NLE1: variants seen among roughly 807,000 people sequenced by gnomAD.
NLE1 encodes the protein notchless protein homolog 1.
Under a neutral mutation model 62.8 loss-of-function variants are expected in NLE1, and 37 were observed. The observed-to-expected ratio is 0.59, with a 90% CI of 0.45 to 0.78. The LOEUF is 0.78. Ranked by LOEUF, NLE1 falls within the 30% of genes least tolerant of loss-of-function variation. The pLI, the probability that NLE1 is intolerant of heterozygous loss-of-function variation, is 0.00. For missense variants in NLE1, 555 were observed against 637.9 expected, an observed-to-expected ratio of 0.87 and a Z score of 1.40; for synonymous variants, 243 against 253.0, an observed-to-expected ratio of 0.96 and a Z score of 0.37.
In NLE1 at chr17:35,137,528, G is replaced by T; in HGVS notation, c.635+15C>A. On this transcript the variant is annotated intron_variant, in intron 6 of 12. Transcript: ENST00000442241. ...CCCCTGGCTCATTTGTCCCAGCTCCGTCAGTGTCACTTACGCATGGAGGGG... is the reference window on the plus strand; with the variant it reads ...CCCCTGGCTCATTTGTCCCAGCTCCTTCAGTGTCACTTACGCATGGAGGGG... 6.3e-7 allele frequency: 1 copy of T among 1,598,072 alleles called. No homozygotes were observed. Among genetic ancestry groups the T allele is most frequent in the Non-Finnish European group, 8.5e-7 (1 of 1,173,432 alleles).
intron 10 of NLE1, among the ~76,000 whole-genome samples, chr17:35,134,245 G>A (rs953075334): frequency 1.3e-5 from 2 of 152,190 alleles, no homozygotes; most frequent in African/African-American, 2.4e-5. Context: ...GCTCCCAGGT[G>A]ATGCTGATGC....
chr17:35,137,862 G>C lies in NLE1; in HGVS notation c.489C>G (p.Ser163=), dbSNP rs1482498263. Residue 163 remains serine (S), a synonymous_variant, in exon 5 of 13, where the codon TCC becomes TCG. Transcript: ENST00000442241. ...KGHRHWVLSI[S]WSPDGRKLAS... ...CCAGCTTCCTGCCATCTGGAGACCA[G>C]GATATACTAAGGACCCAGTGTCTGT... is the stretch of plus-strand genomic sequence containing the variant. 1 of 1,613,400 alleles carries C rather than the reference G, an allele frequency of 6.2e-7. No individual in the cohort carries two copies. Among genetic ancestry groups the C allele is most frequent in the Non-Finnish European group, 8.5e-7 (1 of 1,179,612 alleles).
chr17:35,132,911 T>C (rs532526211), intron 12 of NLE1, among the ~76,000 whole-genome samples: 2 of 152,070 alleles, frequency 1.3e-5, no homozygotes, highest in East Asian at 1.9e-4. Flanking sequence ...GTTGTTCCGG[T>C]GGCCCTCCCA....
Position 35,136,436 on chromosome 17 carries a change from G to A in NLE1, c.890C>T (p.Thr297Ile). Residue 297 changes from threonine (T) to isoleucine (I), a missense_variant, in exon 8 of 13, where the codon ACT (threonine) becomes ATT (isoleucine). Thr to Ile is a moderately conservative substitution (Grantham distance 89). Coordinates refer to ENST00000442241, the MANE Select transcript of NLE1 (RefSeq NM_018096.5). The stretch of plus-strand genomic sequence containing the variant: ...GGCCCCAGTGCGCAGGGCATAGTCA[G>A]TGCTGAGGGCCATGGTGTTCACCCA... ...GHWVNTMALS[T>I]DYALRTGAFE... The A allele has an allele frequency of 6.2e-7, 1 of 1,614,176 alleles. No individual in the cohort carries two copies. Among genetic ancestry groups the A allele is most frequent in the Non-Finnish European group, 8.5e-7 (1 of 1,180,010 alleles).
chr17:35,141,269 C>T (rs67146623), intron 2 of NLE1, among the ~76,000 whole-genome samples: 9,497 of 152,156 alleles, frequency 0.062, 370 homozygotes, highest in African/African-American at 0.1. Context: ...AAGCAAAGGC[C>T]GGGTGCGGTG....
chr17:35,139,035 C>G (rs1251094841), intron 4 of NLE1, among the ~76,000 whole-genome samples, 200 bp downstream of exon 4: 2 of 152,028 alleles, frequency 1.3e-5, no homozygotes, highest in African/African-American at 4.8e-5. Flanking sequence ...AAAAACGAGC[C>G]AGGTGTGATG....
At chr17:35,135,863 C>T (rs182623955) in intron 9 of NLE1, among the ~76,000 whole-genome samples, 2 of 152,194 alleles carry the variant, frequency 1.3e-5, no homozygotes, top group Admixed American at 6.5e-5. Flanking sequence ...CGGGAGACTC[C>T]GCGATCTACC....
chr17:35,132,536 G>T, intron 12 of NLE1, 87 bp from the exon 13 acceptor site: 1 of 1,163,182 alleles, frequency 8.6e-7, no homozygotes, highest in Non-Finnish European at 1.1e-6. Context: ...CAGACGGACG[G>T]CCTGTGGTCC....
At chr17:35,141,234 G>A (rs2091941621) in intron 2 of NLE1, among the ~76,000 whole-genome samples, 1 of 152,140 alleles carries the variant, frequency 6.6e-6, no homozygotes, top group African/African-American at 2.4e-5. Context: ...CAGCTCTTCA[G>A]TAAACACACT....
Position 35,140,000 on chromosome 17 carries a change from A to C in NLE1, c.229T>G (p.Leu77Val). 6.2e-7 allele frequency: 1 copy of C among 1,614,080 alleles called. No homozygotes were observed. ...AEIVSSLGKTLESQAVETEKV... is the reference protein window; with the variant it reads ...AEIVSSLGKTVESQAVETEKV... Reference sequence around the variant, plus strand: ...TCTGTCTCCACTGCCTGGGACTCCAACGTCTTCCCCAGTGAGGAGACGATC... The same window carrying C: ...TCTGTCTCCACTGCCTGGGACTCCACCGTCTTCCCCAGTGAGGAGACGATC... Residue 77 changes from leucine (L) to valine (V), a missense_variant, in exon 3 of 13, where the codon TTG (leucine) becomes GTG (valine). Leu to Val is a conservative substitution (Grantham distance 32). Coordinates refer to ENST00000442241, the MANE Select transcript of NLE1 (RefSeq NM_018096.5).
intron 2 of NLE1, 143 bp from the exon 3 acceptor site, chr17:35,140,209 T>G (rs1204658244): frequency 2.5e-6 from 2 of 813,608 alleles, no homozygotes; most frequent in African/African-American, 3.5e-5. Context: ...CATTGCCCAT[T>G]GAGCAAGACC....
chr17:35,130,180 G>A lies in NLE1; in HGVS notation c.*2257C>T, dbSNP rs775059294. ...GCTAGGTTGGATAAGGCTGTTTAAGGTCTGAGTCAGCAGACAGAAAAAAAA... is the reference window on the plus strand; with the variant it reads ...GCTAGGTTGGATAAGGCTGTTTAAGATCTGAGTCAGCAGACAGAAAAAAAA... On this transcript the variant is annotated 3_prime_UTR_variant, in exon 13 of 13. Coordinates refer to ENST00000442241, the MANE Select transcript of NLE1 (RefSeq NM_018096.5). 4.0e-6 allele frequency: 6 copies of A among 1,507,422 alleles called. No homozygotes were observed. Among genetic ancestry groups the A allele is most frequent in the Non-Finnish European group, 5.3e-6 (6 of 1,131,234 alleles). The allele number at this position is 1,507,422 out of a possible 1,614,324, so 93.4% of individuals were successfully genotyped here.
At position 35,131,757 on chromosome 17, in the gene NLE1, C is replaced by G. The variant is rs2091877384; in HGVS notation, c.*680G>C. The G allele has an allele frequency of 6.6e-6, 1 of 152,366 alleles. No homozygotes were observed. The highest frequency in any genetic ancestry group is 1.5e-5 in the Non-Finnish European group (1 of 68,134). 9.4% of individuals were successfully genotyped at this position (152,366 alleles called of 1,614,324 possible). A position where few individuals can be genotyped will look rare whatever the true frequency, so the allele number is the denominator to read the frequency against. ...AACTCTCTTGATGATGAAAACCTTTCTGTGTGCTGTCCAATACTGGAGGCC... is the reference window on the plus strand; with the variant it reads ...AACTCTCTTGATGATGAAAACCTTTGTGTGTGCTGTCCAATACTGGAGGCC... On this transcript the variant is annotated 3_prime_UTR_variant, in exon 13 of 13. Transcript: ENST00000442241.
At chr17:35,137,714 T>TTGCCCCCCCC in intron 5 of NLE1, 74 bp from the exon 6 acceptor site, 1 of 1,212,394 alleles carries the variant, frequency 8.2e-7, no homozygotes, top group Non-Finnish European at 1.2e-6. Context: ...GCCTACCACT[T>TTGCCCCCCCC]CCCACCCAAC....
chr17:35,136,467 C>G lies in NLE1; in HGVS notation c.859G>C (p.Gly287Arg). Residue 287 changes from glycine to arginine, a missense_variant, in exon 8 of 13, where the codon GGC (glycine) becomes CGC (arginine). By Grantham distance (125) the Gly-to-Arg change is moderately radical. Transcript: ENST00000442241. ...GVLCRTLQGH[G>R]HWVNTMALST... ...AGGGCCATGGTGTTCACCCAGTGGCCGTGGCCTTGCAGAGTCCGGCACAGC... is the reference window on the plus strand; with the variant it reads ...AGGGCCATGGTGTTCACCCAGTGGCGGTGGCCTTGCAGAGTCCGGCACAGC... 1 of 1,614,012 alleles carries G rather than the reference C, an allele frequency of 6.2e-7. No homozygotes were observed. The highest frequency in any genetic ancestry group is 1.1e-5 in the South Asian group (1 of 91,076).
At chr17:35,136,263 G>T in intron 8 of NLE1, 48 bp from the exon 9 acceptor site, 2 of 1,612,892 alleles carry the variant, frequency 1.2e-6, no homozygotes, top group Non-Finnish European at 1.7e-6. Context: ...GAAGAAGGCC[G>T]ATAAGAAAAT....
chr17:35,129,961 G>A lies in NLE1; in HGVS notation c.*2476C>T, dbSNP rs976061854. The A allele has an allele frequency of 1.3e-5, 18 of 1,371,588 alleles. No homozygotes were observed. The East Asian group carries it at 4.7e-4, about 36-fold the overall frequency. 85.0% of individuals were successfully genotyped at this position (1,371,588 alleles called of 1,614,324 possible). On this transcript the variant is annotated 3_prime_UTR_variant, in exon 13 of 13. Coordinates refer to ENST00000442241, the MANE Select transcript of NLE1 (RefSeq NM_018096.5). ...GTGCCCATGATTGTGAGTAGGCTGG[G>A]AAGTCAAGGGCATTGAAAGAAATAG... is the stretch of plus-strand genomic sequence containing the variant.
chr17:35,135,210 T>TTCACTCCTTACAGAGAAGCAGTAC, intron 10 of NLE1, 39 bp downstream of exon 10: 3 of 1,596,202 alleles, frequency 1.9e-6, no homozygotes, highest in Non-Finnish European at 2.6e-6. Context: ...CCTCCCACCA[T>TTCACTCCTTACAGAGAAGCAGTAC]TCACTCCTTA....
At position 35,140,022 on chromosome 17, in the gene NLE1, G is replaced by T; in HGVS notation, c.207C>A (p.Ile69=). The change falls in exon 3 of 13, where the codon ATC becomes ATA. Residue 69 remains isoleucine, a synonymous_variant. Transcript: ENST00000442241. ...CCAACGTCTTCCCCAGTGAGGAGAC[G>T]ATCTCAGCATCGTGGACAAAGAAAG... ...PLAFFVHDAE[I]VSSLGKTLES... is the part of the protein sequence containing the mutation. 6.2e-7 allele frequency: 1 copy of T among 1,613,942 alleles called. No homozygotes were observed.
Sources: gnomAD v4.1 joint callset for allele counts (sites outside exome capture counted in the v4.1 genomes callset) on GRCh38, gnomAD v4.1.1 for gene constraint, MANE v1.5 for transcripts, NCBI Gene and HGNC (gene_info 2026-07-23, HGNC 2026-07-21) for gene names.